The following SEPTIN7 variants were observed in gnomAD, a reference collection of about 807,000 sequenced individuals.
SEPTIN7 encodes the protein septin 7.
A neutral mutation model predicts 63.3 loss-of-function variants in SEPTIN7; 10 were observed. The observed-to-expected ratio is 0.16, with a 90% confidence interval of 0.10 to 0.27. The LOEUF (loss-of-function observed/expected upper bound fraction) is 0.27, where lower values mean the gene tolerates loss of function less well. Ranked by LOEUF, SEPTIN7 falls within the 10% of genes least tolerant of loss-of-function variation. The probability of loss-of-function intolerance (pLI) is 1.00; values close to 1 mark genes in which losing one functional copy is unlikely to be tolerated. For synonymous variants in SEPTIN7, 131 were observed against 165.3 expected (o/e 0.79, Z 1.59); for missense variants, 310 against 521.0 (o/e 0.59, Z 3.94).
intron 3 of SEPTIN7, among the ~76,000 whole-genome samples, chr7:35,845,839 T>A (rs966311231): frequency 1.3e-5 from 2 of 152,148 alleles, no homozygotes; most frequent in Admixed American, 6.5e-5. Context: ...TAATAAACTT[T>A]AAAAAAAGTT....
intron 11 of SEPTIN7, among the ~76,000 whole-genome samples, chr7:35,897,603 ATG>A (rs954918161): frequency 1.3e-5 from 2 of 152,126 alleles, no homozygotes; most frequent in African/African-American, 2.4e-5. Context: ...TCTCTGAAGT[ATG>A]TGTGTGTGTT....
At chr7:35,903,295 G>A (rs1462232280) in intron 13 of SEPTIN7, 80 bp downstream of exon 13, 1 of 1,439,498 alleles carries the variant, frequency 6.9e-7, no homozygotes, top group Non-Finnish European at 9.1e-7. Flanking sequence ...AAAAACATTA[G>A]AATAACACTT....
At chr7:35,890,471 G>A (rs1399061420) in intron 10 of SEPTIN7, 197 bp from the exon 11 acceptor site, 1 of 340,058 alleles carries the variant, frequency 2.9e-6, no homozygotes, top group Admixed American at 4.9e-5. Flanking sequence ...TTGGTGTCAA[G>A]TTAGCTTATT....
At chr7:35,883,018 T>G (rs1786996133) in intron 8 of SEPTIN7, among the ~76,000 whole-genome samples, 1 of 152,010 alleles carries the variant, frequency 6.6e-6, no homozygotes, top group Non-Finnish European at 1.5e-5. Context: ...TAACAGTAAT[T>G]TAGTCTATAT....
chr7:35,833,010 CT>C, intron 3 of SEPTIN7, 110 bp downstream of exon 3: 1 of 669,432 alleles, frequency 1.5e-6, no homozygotes. Flanking sequence ...GTGATCATAT[CT>C]TTGTTGTATT....
intron 3 of SEPTIN7, among the ~76,000 whole-genome samples, chr7:35,845,781 T>TTAA (rs1284284476): frequency 1.3e-5 from 2 of 152,118 alleles, no homozygotes; most frequent in African/African-American, 4.8e-5. Flanking sequence ...TGTCAGGTAT[T>TTAA]TAATGTTAGT....
chr7:35,801,686 C>T (rs1028248583), intron 1 of SEPTIN7, among the ~76,000 whole-genome samples: 1 of 152,178 alleles, frequency 6.6e-6, no homozygotes, highest in African/African-American at 2.4e-5. Context: ...GCCGCATCCC[C>T]GTCGGCAGAA....
chr7:35,855,970 T>C (rs1363112912), intron 3 of SEPTIN7, among the ~76,000 whole-genome samples: 1 of 152,234 alleles, frequency 6.6e-6, no homozygotes, highest in Non-Finnish European at 1.5e-5. Flanking sequence ...GTTTTTGCCT[T>C]AAGTATTTTT....
At chr7:35,874,954 C>A (rs941033058) in intron 6 of SEPTIN7, among the ~76,000 whole-genome samples, 1 of 152,086 alleles carries the variant, frequency 6.6e-6, no homozygotes, top group Non-Finnish European at 1.5e-5. Context: ...TTAAGTCATT[C>A]TCGTTTAACT....
Position 35,801,226 on chromosome 7 carries a change from G to C in SEPTIN7, c.17G>C (p.Arg6Thr), listed in dbSNP as rs758649882. The change falls in exon 1 of 14, where the codon AGA becomes ACA. Residue 6 changes from arginine (R) to threonine (T), a missense_variant. By Grantham distance (71) the Arg-to-Thr change is moderately conservative (BLOSUM62 -1). Transcript: ENST00000350320. MSVSARSAAAEERSVN... is the reference protein window; with the variant it reads MSVSATSAAAEERSVN... ...GGGGAGGGGATGTCGGTCAGTGCGA[G>C]ATCCGCTGCTGCTGAGGAGAGGAGC... 9.8e-6 allele frequency: 15 copies of C among 1,533,848 alleles called. No homozygotes were observed. The highest frequency in any genetic ancestry group is 1.2e-5 in the Non-Finnish European group (14 of 1,141,018).
rs113487253 is a variant in SEPTIN7, at chr7:35,805,177, C to G, written c.61+3907C>G. ...GATTATAGATGTGAGCCATCACGCC[C>G]GGCCAAGTGTTTGTGCTTCTAAGCA... On this transcript the variant is annotated intron_variant, in intron 1 of 13. Coordinates refer to ENST00000350320, the MANE Select transcript of SEPTIN7 (RefSeq NM_001788.6). Among the ~76,000 whole-genome samples the G allele has an allele frequency of 3.3e-3, 509 of 152,276 alleles. 2 individuals are homozygous for G. Among genetic ancestry groups the G allele is most frequent in the Non-Finnish European group, 5.6e-3 (382 of 68,026 alleles).
intron 3 of SEPTIN7, among the ~76,000 whole-genome samples, chr7:35,836,391 T>C (rs577182012): frequency 6.6e-6 from 1 of 152,324 alleles, no homozygotes; most frequent in African/African-American, 2.4e-5. Context: ...AAACCTATTA[T>C]TCTGAATCCT....
chr7:35,809,819 G>A (rs569697213), intron 1 of SEPTIN7, among the ~76,000 whole-genome samples: 9 of 152,342 alleles, frequency 5.9e-5, no homozygotes, highest in African/African-American at 2.2e-4. Flanking sequence ...GAATCGTGAT[G>A]ATAATTCTCT....
At chr7:35,801,052 G>A, upstream of SEPTIN7, 1 of 497,598 alleles carries the variant, frequency 2.0e-6, no homozygotes, top group Non-Finnish European at 3.4e-6. Flanking sequence ...GGAGGAGGGA[G>A]CGGGAGTCGA....
chr7:35,807,649 C>T (rs1418763972), intron 1 of SEPTIN7, among the ~76,000 whole-genome samples: 2 of 152,068 alleles, frequency 1.3e-5, no homozygotes, highest in African/African-American at 4.8e-5. Context: ...AGGCGTGAGC[C>T]ACTGTGCCCT....
At chr7:35,863,282 TAAAAATGTAG>T (rs1010640645) in intron 3 of SEPTIN7, among the ~76,000 whole-genome samples, 1 of 152,164 alleles carries the variant, frequency 6.6e-6, no homozygotes, top group Admixed American at 6.5e-5. Context: ...ACATTACTGT[TAAAAATGTAG>T]ATTATTAGAT....
chr7:35,858,196 C>G (rs1174115901), intron 3 of SEPTIN7, among the ~76,000 whole-genome samples: 1 of 152,128 alleles, frequency 6.6e-6, no homozygotes, highest in Non-Finnish European at 1.5e-5. Flanking sequence ...CCCTCCGCCT[C>G]GGCCTCCCAA....
intron 7 of SEPTIN7, among the ~76,000 whole-genome samples, chr7:35,881,957 C>A (rs568307868): frequency 1.3e-5 from 2 of 152,056 alleles, no homozygotes; most frequent in South Asian, 4.1e-4. Flanking sequence ...ACCTGTTGCT[C>A]CTCAATTTGT....
chr7:35,908,245 C>T (rs569911204), downstream of SEPTIN7, among the ~76,000 whole-genome samples: 2 of 152,306 alleles, frequency 1.3e-5, no homozygotes, highest in African/African-American at 4.8e-5. Flanking sequence ...TGGGATTCAT[C>T]CACAGAATGT....
Sources: gnomAD v4.1 joint callset for allele counts (sites outside exome capture counted in the v4.1 genomes callset) on GRCh38, gnomAD v4.1.1 for gene constraint, MANE v1.5 for transcripts, NCBI Gene and HGNC (gene_info 2026-07-23, HGNC 2026-07-21) for gene names.